PRKG1: variants seen among roughly 807,000 people sequenced by gnomAD.
PRKG1 encodes protein kinase cGMP-dependent 1, also known as cGMP-dependent protein kinase 1.
A neutral mutation model predicts 88.1 loss-of-function variants in PRKG1; 35 were observed. The ratio of observed to expected loss-of-function variants is 0.40; its 90% CI spans 0.30 to 0.53. The LOEUF (loss-of-function observed/expected upper bound fraction) is 0.53. Ranked by LOEUF, PRKG1 falls within the 20% of genes least tolerant of loss-of-function variation. PRKG1 has a pLI of 0.59. For missense variants in PRKG1, 540 were observed against 839.8 expected, an observed-to-expected ratio of 0.64 and a Z score of 4.41; for synonymous variants, 303 against 292.5, an observed-to-expected ratio of 1.04 and a Z score of -0.37.
chr10:51,967,835 A>G (rs1843610213), intron 5 of PRKG1, among the ~76,000 whole-genome samples: 1 of 152,056 alleles, frequency 6.6e-6, no homozygotes, highest in African/African-American at 2.4e-5. Flanking sequence ...TGTGCCTTCC[A>G]TATGCCTCAC....
chr10:51,887,778 T>A (rs1011208615), intron 4 of PRKG1, among the ~76,000 whole-genome samples: 1 of 152,212 alleles, frequency 6.6e-6, no homozygotes, highest in Non-Finnish European at 1.5e-5. Context: ...TTTTAATTAG[T>A]TTGTTTCTTT....
intron 2 of PRKG1, among the ~76,000 whole-genome samples, chr10:51,329,945 T>C (rs1300771069): frequency 2.0e-5 from 3 of 150,366 alleles, no homozygotes; most frequent in Admixed American, 2.0e-4. Context: ...TTTTTTTTTT[T>C]GGATTAGATA....
chr10:51,761,803 A>G (rs1175977593), intron 3 of PRKG1, among the ~76,000 whole-genome samples: 1 of 152,214 alleles, frequency 6.6e-6, no homozygotes, highest in Non-Finnish European at 1.5e-5. Context: ...ATTGTTTAAG[A>G]TAAAGATATG....
intron 7 of PRKG1, among the ~76,000 whole-genome samples, chr10:52,106,744 T>TAATAATAATAATAAA (rs1268365466): frequency 8.2e-5 from 11 of 133,438 alleles, no homozygotes; most frequent in African/African-American, 2.6e-4. Flanking sequence ...ATAATAATAA[T>TAATAATAATAATAAA]AATAAAGTAA....
chr10:52,219,491 T>G (rs1840191458), intron 9 of PRKG1, among the ~76,000 whole-genome samples: 1 of 152,156 alleles, frequency 6.6e-6, no homozygotes, highest in African/African-American at 2.4e-5. Flanking sequence ...ATTATTCTCC[T>G]CCAATAAGCT....
chr10:51,552,456 A>G lies in PRKG1; in HGVS notation c.592+84620A>G, dbSNP rs535670258. On this transcript the variant is annotated intron_variant, in intron 3 of 17. Coordinates refer to ENST00000373980, the MANE Select transcript of PRKG1 (RefSeq NM_006258.4). ...TTATTTATTAAAGGTGAGTTCAGGC[A>G]GCTCTCTGCTTCTTCTCACATATAG... Among the ~76,000 whole-genome samples, 43 of 151,754 alleles carry G rather than the reference A, an allele frequency of 2.8e-4. No individual in the cohort carries two copies. In the South Asian group the frequency reaches 8.9e-3, roughly 31 times the overall value.
intron 7 of PRKG1, among the ~76,000 whole-genome samples, chr10:52,102,650 C>A (rs1474450155): frequency 5.4e-5 from 6 of 111,832 alleles, no homozygotes; most frequent in Non-Finnish European, 8.7e-5. Context: ...ATCTTGGAGA[C>A]ATTCAAGAGC....
At chr10:51,746,534 C>A (rs1002502118) in intron 3 of PRKG1, among the ~76,000 whole-genome samples, 3 of 151,866 alleles carry the variant, frequency 2.0e-5, no homozygotes, top group African/African-American at 7.3e-5. Context: ...CCAGCCTGGC[C>A]AGTGTGGTGA....
intron 3 of PRKG1, among the ~76,000 whole-genome samples, chr10:51,712,055 C>A (rs1194112825): frequency 5.3e-5 from 8 of 152,062 alleles, no homozygotes; most frequent in Admixed American, 1.3e-4. Flanking sequence ...GATACAGGAG[C>A]CTTCATAAGG....
At chr10:51,090,851 T>C (rs1436286814) in intron 1 of PRKG1, among the ~76,000 whole-genome samples, 1 of 152,218 alleles carries the variant, frequency 6.6e-6, no homozygotes, top group African/African-American at 2.4e-5. Flanking sequence ...TCTCTGTTTG[T>C]TGAAATGTTT....
At chr10:52,281,037 T>A in intron 13 of PRKG1, 107 bp downstream of exon 13, 2 of 1,312,748 alleles carry the variant, frequency 1.5e-6, no homozygotes, top group Non-Finnish European at 2.1e-6. Context: ...TTCAATGTTG[T>A]AACTTTCTTA....
chr10:51,952,207 T>A (rs11596469), intron 5 of PRKG1, among the ~76,000 whole-genome samples: 17,030 of 152,278 alleles, frequency 0.11, 1,208 homozygotes, highest in East Asian at 0.35. Context: ...ACCTGATGTT[T>A]GTCCAAATGT....
chr10:52,173,737 A>G (rs1438222929), intron 9 of PRKG1, among the ~76,000 whole-genome samples: 1 of 152,200 alleles, frequency 6.6e-6, no homozygotes, highest in Non-Finnish European at 1.5e-5. Flanking sequence ...GAGATAAAAG[A>G]CAAAAGCTAC....
rs528218654 is a variant in PRKG1, at chr10:51,815,437, C to T, written c.698+10747C>T. Among the ~76,000 whole-genome samples the T allele has an allele frequency of 1.8e-4, 27 of 152,166 alleles. No individual in the cohort carries two copies. The South Asian group carries it at 5.6e-3, about 32-fold the overall frequency. On this transcript the variant is annotated intron_variant, in intron 4 of 17. Transcript: ENST00000373980. ...GAAGGGTGGTCTTCTGGGATCCCAG[C>T]AACATAGATTTCTCTGCTTGATATA... is the stretch of plus-strand genomic sequence containing the variant.
intron 2 of PRKG1, among the ~76,000 whole-genome samples, chr10:51,208,910 C>A (rs958254264): frequency 6.6e-6 from 1 of 152,134 alleles, no homozygotes; most frequent in African/African-American, 2.4e-5. Context: ...AAATGATGGA[C>A]TTTCCCTTTT....
chr10:51,157,028 A>G (rs1384250683), intron 2 of PRKG1, among the ~76,000 whole-genome samples: 1 of 151,992 alleles, frequency 6.6e-6, no homozygotes, highest in Admixed American at 6.6e-5. Context: ...GGTCTTCATA[A>G]AATGCTTAAC....
At chr10:51,961,709 A>C (rs138173518) in intron 5 of PRKG1, among the ~76,000 whole-genome samples, 1 of 152,168 alleles carries the variant, frequency 6.6e-6, no homozygotes, top group African/African-American at 2.4e-5. Context: ...TTATTGTCCA[A>C]ATTTTTACGT....
chr10:51,371,002 C>T (rs568110860), intron 2 of PRKG1, among the ~76,000 whole-genome samples: 1 of 152,088 alleles, frequency 6.6e-6, no homozygotes, highest in African/African-American at 2.4e-5. Flanking sequence ...TATATTCCAG[C>T]CTTGCCAGTT....
rs77852108 is a variant in PRKG1 at position 52,047,466 on chromosome 10, C to T, written c.763-7018C>T. ...TTACAGATGTGATAGCTAACTGGCTCCAGAATAGATTTTACCTAAAACCTT... is the reference window on the plus strand; with the variant it reads ...TTACAGATGTGATAGCTAACTGGCTTCAGAATAGATTTTACCTAAAACCTT... On this transcript the variant is annotated intron_variant, in intron 5 of 17. Coordinates refer to ENST00000373980, the MANE Select transcript of PRKG1 (RefSeq NM_006258.4). Among the ~76,000 whole-genome samples the T allele has an allele frequency of 1.2e-3, 185 of 152,198 alleles. 1 individual carries two copies. The highest frequency in any genetic ancestry group is 4.3e-3 in the African/African-American group (179 of 41,550).
Sources: allele counts gnomAD v4.1 joint callset (sites outside exome capture counted in the v4.1 genomes callset), GRCh38; gene constraint gnomAD v4.1.1; transcripts MANE v1.5; gene names NCBI Gene and HGNC (gene_info 2026-07-23, HGNC 2026-07-21).